Variants in ABCA13 observed in about 807,000 individuals in gnomAD.
ABCA13 encodes the protein ATP binding cassette subfamily A member 13, also known as ATP-binding cassette sub-family A member 13.
A neutral mutation model predicts 478.7 loss-of-function variants in ABCA13; 476 were observed. The ratio of observed to expected loss-of-function variants is 0.99; its 90% CI spans 0.92 to 1.07. The LOEUF is 1.07. Among genes scored for constraint, ABCA13 ranks in the 50% least tolerant of loss-of-function variants. ABCA13 has a pLI of 0.00. For missense variants in ABCA13, 6,060 were observed against 5,910.6 expected, an observed-to-expected ratio of 1.03 and a Z score of -0.83; for synonymous variants, 2,252 against 2,158.9, an observed-to-expected ratio of 1.04 and a Z score of -1.20.
chr7:48,459,186 G>T (rs551998110), intron 43 of ABCA13, among the ~76,000 whole-genome samples: 1 of 152,270 alleles, frequency 6.6e-6, no homozygotes, highest in Admixed American at 6.5e-5. Flanking sequence ...GTGCATCTCT[G>T]AGAGATATAG....
chr7:48,398,156 A>G (rs1053434805), intron 38 of ABCA13, among the ~76,000 whole-genome samples: 2 of 152,218 alleles, frequency 1.3e-5, no homozygotes, highest in African/African-American at 4.8e-5. Context: ...TGAGATAGCA[A>G]ATTGGCTATG....
intron 34 of ABCA13, among the ~76,000 whole-genome samples, chr7:48,376,206 A>C (rs757976868): frequency 2.6e-5 from 4 of 152,162 alleles, no homozygotes; most frequent in Non-Finnish European, 4.4e-5. Context: ...AAACTTTTTA[A>C]AGTATTAGAT....
At chr7:48,444,359 A>G (rs1739203244) in intron 42 of ABCA13, among the ~76,000 whole-genome samples, 2 of 152,104 alleles carry the variant, frequency 1.3e-5, no homozygotes, top group Admixed American at 1.3e-4. Flanking sequence ...GTCAACTCAG[A>G]TATGTGCCAT....
At chr7:48,619,767 G>T (rs966763314) in intron 59 of ABCA13, among the ~76,000 whole-genome samples, 1 of 152,170 alleles carries the variant, frequency 6.6e-6, no homozygotes, top group African/African-American at 2.4e-5. Flanking sequence ...GGTAAAGGGC[G>T]ATTTCCTGGG....
intron 38 of ABCA13, among the ~76,000 whole-genome samples, chr7:48,397,914 C>G (rs566650019): frequency 6.6e-6 from 1 of 152,194 alleles, no homozygotes; most frequent in African/African-American, 2.4e-5. Context: ...TTGTCCCCCG[C>G]TCAGCATTCA....
intron 58 of ABCA13, among the ~76,000 whole-genome samples, chr7:48,601,700 C>A (rs371245979): frequency 6.6e-6 from 1 of 152,094 alleles, no homozygotes; most frequent in Non-Finnish European, 1.5e-5. Context: ...CATGTGTCAT[C>A]ATAGTAGAAT....
At chr7:48,539,901 G>A (rs1833844611) in intron 55 of ABCA13, among the ~76,000 whole-genome samples, 1 of 152,160 alleles carries the variant, frequency 6.6e-6, no homozygotes, top group South Asian at 2.1e-4. Flanking sequence ...TGCTATATCT[G>A]TTTCTGTCTG....
intron 58 of ABCA13, among the ~76,000 whole-genome samples, chr7:48,610,423 G>T (rs1791915443): frequency 6.6e-6 from 1 of 152,186 alleles, no homozygotes; most frequent in Non-Finnish European, 1.5e-5. Flanking sequence ...GCTTTCAAGG[G>T]CTGGCATTGA....
At chr7:48,591,142 TG>T (rs774632664) in intron 57 of ABCA13, among the ~76,000 whole-genome samples, 4 of 151,968 alleles carry the variant, frequency 2.6e-5, no homozygotes, top group African/African-American at 4.8e-5. Context: ...CATGTTCAGT[TG>T]ATTTTTGTGT....
In ABCA13 at chr7:48,352,162, T is replaced by C; in HGVS notation, c.10382-19T>C. The C allele has an allele frequency of 6.3e-7, 1 of 1,591,644 alleles. No individual in the cohort carries two copies. The highest frequency in any genetic ancestry group is 8.6e-7 in the Non-Finnish European group (1 of 1,166,012). On this transcript the variant is annotated intron_variant, in intron 30 of 61. Transcript: ENST00000435803. ...CCCTACAGTGTGGTAATGCTTCGTT[T>C]TTCCTTTTCTGCCACTAGGTATCAT... is the stretch of plus-strand genomic sequence containing the variant.
intron 3 of ABCA13, among the ~76,000 whole-genome samples, chr7:48,213,215 C>A (rs1397774664): frequency 3.3e-5 from 5 of 152,052 alleles, no homozygotes; most frequent in Admixed American, 3.3e-4. Context: ...TGTTTAAAAT[C>A]AGTTGATTTG....
intron 58 of ABCA13, among the ~76,000 whole-genome samples, chr7:48,607,351 A>G (rs1036518623): frequency 9.9e-5 from 15 of 152,152 alleles, no homozygotes; most frequent in Non-Finnish European, 2.1e-4. Context: ...ACCCTGCTTC[A>G]GCTCACCCTC....
At chr7:48,417,429 A>G (rs1820171078) in intron 41 of ABCA13, among the ~76,000 whole-genome samples, 1 of 152,178 alleles carries the variant, frequency 6.6e-6, no homozygotes. Flanking sequence ...GGACAAGAAC[A>G]TTGACACTTG....
intron 7 of ABCA13, among the ~76,000 whole-genome samples, chr7:48,232,038 C>A (rs1789179200): frequency 6.6e-6 from 1 of 151,552 alleles, no homozygotes; most frequent in Non-Finnish European, 1.5e-5. Context: ...CTTCATGGAG[C>A]AAACTAACAT....
At position 48,240,913 on chromosome 7, in the gene ABCA13, C is replaced by G. The variant is rs756900471; in HGVS notation, c.1109C>G (p.Thr370Arg). Residue 370 changes from threonine (T) to arginine (R), a missense_variant, in exon 10 of 62, where the codon ACA (threonine) becomes AGA (arginine). Around this residue, in one of 3 missense-constraint regions of ABCA13, gnomAD observed 4,423 missense variants for 4,309.1 expected, o/e 1.03. Coordinates refer to ENST00000435803, the MANE Select transcript of ABCA13 (RefSeq NM_152701.5). ...GGTAGCCTGCTTCAGAAGACACTCACAGGCATGGGCCATAGTCTGGAGGCT... is the reference window on the plus strand; with the variant it reads ...GGTAGCCTGCTTCAGAAGACACTCAGAGGCATGGGCCATAGTCTGGAGGCT... ...QQGSLLQKTL[T>R]GMGHSLEALR... The G allele has an allele frequency of 6.2e-7, 1 of 1,603,088 alleles. No homozygotes were observed. Among genetic ancestry groups the G allele is most frequent in the Non-Finnish European group, 8.5e-7 (1 of 1,173,312 alleles).
At chr7:48,197,810 C>T (rs1022530810) in intron 2 of ABCA13, among the ~76,000 whole-genome samples, 2 of 152,202 alleles carry the variant, frequency 1.3e-5, no homozygotes, top group African/African-American at 4.8e-5. Context: ...ATTCAACTTG[C>T]ATTAAGCTTG....
At chr7:48,590,271 TTA>T (rs928071275) in intron 57 of ABCA13, among the ~76,000 whole-genome samples, 5 of 103,296 alleles carry the variant, frequency 4.8e-5, no homozygotes, top group African/African-American at 3.1e-4. Flanking sequence ...TAATATTTCA[TTA>T]CACACACACA....
chr7:48,248,522 A>T, intron 14 of ABCA13, 78 bp downstream of exon 14: 1 of 1,142,378 alleles, frequency 8.8e-7, no homozygotes, highest in Non-Finnish European at 1.2e-6. Context: ...TACACAAATG[A>T]TAGATCAATA....
At chr7:48,188,946 C>G (rs917178100) in intron 1 of ABCA13, among the ~76,000 whole-genome samples, 13 of 152,176 alleles carry the variant, frequency 8.5e-5, no homozygotes, top group African/African-American at 3.1e-4. Context: ...CGCTTCCACC[C>G]TCTGCTGGTC....
Sources: allele counts gnomAD v4.1 joint callset (sites outside exome capture counted in the v4.1 genomes callset), GRCh38; gene constraint gnomAD v4.1.1; regional missense constraint gnomAD v4.1.1; transcripts MANE v1.5; gene names NCBI Gene and HGNC (gene_info 2026-07-23, HGNC 2026-07-21).